R3HDM4: variants seen among roughly 807,000 people sequenced by gnomAD.
R3HDM4 encodes R3H domain-containing protein 4.
Under a neutral mutation model 31.3 loss-of-function variants are expected in R3HDM4, and 30 were observed. That is an observed-to-expected ratio of 0.96 (90% CI 0.72 to 1.30). The LOEUF (loss-of-function observed/expected upper bound fraction) is 1.30, where lower values mean the gene tolerates loss of function less well. Ranked by LOEUF, R3HDM4 falls within the 50% of genes most tolerant of loss-of-function variation. The pLI is 0.00. For synonymous variants in R3HDM4, 196 were observed against 156.6 expected, an observed-to-expected ratio of 1.25 and a Z score of -1.88; for missense variants, 444 against 366.1, an observed-to-expected ratio of 1.21 and a Z score of -1.74.
At position 900,848 on chromosome 19, in the gene R3HDM4, A is replaced by C. The variant is rs1599357613; in HGVS notation, c.456T>G (p.Arg152=). ...RSKARRRGPG[R]GEDRRREDPA... ...CCGCACCTCTCCTCCGGTCCTCCCC[A>C]CGGCCAGGGCCCCTCCTCCGCGCCT... Residue 152 remains arginine, a synonymous_variant, in exon 4 of 8, where the codon CGT becomes CGG. Coordinates refer to ENST00000361574, the MANE Select transcript of R3HDM4 (RefSeq NM_138774.4). The C allele has an allele frequency of 1.4e-6, 2 of 1,427,844 alleles. No individual in the cohort carries two copies. Among genetic ancestry groups the C allele is most frequent in the Non-Finnish European group, 1.9e-6 (2 of 1,076,516 alleles). 88.4% of individuals were successfully genotyped at this position (1,427,844 alleles called of 1,614,324 possible).
intron 1 of R3HDM4, among the ~76,000 whole-genome samples, chr19:912,353 G>A: frequency 1.1e-5 from 1 of 89,974 alleles, no homozygotes; most frequent in African/African-American, 4.5e-5. Flanking sequence ...CAGAGGAGTT[G>A]GGGGGCGGGC....
Position 900,811 on chromosome 19 carries a change from C to T in R3HDM4, c.475+18G>A, listed in dbSNP as rs2036823028. On this transcript the variant is annotated intron_variant, in intron 4 of 7. Transcript: ENST00000361574. ...CATACCCTGGCCCCACCCATACCCGCCCCAGCCAGGCCCGCACCTCTCCTC... is the reference window on the plus strand; with the variant it reads ...CATACCCTGGCCCCACCCATACCCGTCCCAGCCAGGCCCGCACCTCTCCTC... 1 of 1,510,394 alleles carries T rather than the reference C, an allele frequency of 6.6e-7. No homozygotes were observed. Among genetic ancestry groups the T allele is most frequent in the East Asian group, 2.6e-5 (1 of 39,006 alleles). 93.6% of individuals were successfully genotyped at this position (1,510,394 alleles called of 1,614,324 possible). A position where few individuals can be genotyped will look rare whatever the true frequency, so the allele number is the denominator to read the frequency against.
At chr19:903,993 G>A (rs893139242) in intron 1 of R3HDM4, among the ~76,000 whole-genome samples, 6 of 152,176 alleles carry the variant, frequency 3.9e-5, no homozygotes, top group Non-Finnish European at 7.4e-5. Context: ...AGAGCTTGCA[G>A]TGAGCCGAGA....
intron 1 of R3HDM4, among the ~76,000 whole-genome samples, chr19:903,605 C>A (rs2145292971): frequency 6.6e-6 from 1 of 152,302 alleles, no homozygotes; most frequent in South Asian, 2.1e-4. Context: ...CAAGGAAAAA[C>A]CACACAAACT....
intron 1 of R3HDM4, among the ~76,000 whole-genome samples, chr19:911,519 G>C (rs1311557037): frequency 6.6e-6 from 1 of 152,222 alleles, no homozygotes; most frequent in Non-Finnish European, 1.5e-5. Flanking sequence ...ACTCCTGTTT[G>C]CTGGGCCCGC....
At chr19:900,740 CTGCCCCCCCATCCCGGCCCCACCCA>C (rs2036819845) in intron 4 of R3HDM4, 64 bp downstream of exon 4, 1 of 201,458 alleles carries the variant, frequency 5.0e-6, no homozygotes, top group Non-Finnish European at 9.6e-6. Context: ...CATCCATATC[CTGCCCCCCCATCCCGGCCCCACCCA>C]CCCCAGGCCA....
rs1219983060 is a variant in R3HDM4 at position 899,969 on chromosome 19, A to ACCTGCAC, written c.561+85_561+91dup. On this transcript the variant is annotated intron_variant, in intron 5 of 7. Transcript: ENST00000361574. This position sits in a 1 kb window ranked among gnomAD's most constrained non-coding sequence, Gnocchi z 6.8. ...ATCCTGCCCTGTTTCCCCTGACACG[A>ACCTGCAC]CCTGCACCGGGTGAGAACCTGTGCC... The ACCTGCAC allele has an allele frequency of 3.0e-6, 4 of 1,314,948 alleles. No individual in the cohort carries two copies. In the Admixed American group the frequency reaches 5.3e-5, roughly 17 times the overall value. 81.5% of individuals were successfully genotyped at this position (1,314,948 alleles called of 1,614,324 possible). A position where few individuals can be genotyped will look rare whatever the true frequency, so the allele number is the denominator to read the frequency against.
At chr19:898,937 G>C (rs765513034) in intron 7 of R3HDM4, among the ~76,000 whole-genome samples, 38 of 152,298 alleles carry the variant, frequency 2.5e-4, no homozygotes, top group Non-Finnish European at 4.9e-4. Context: ...GGACCAGATG[G>C]GGTGCCTGGG....
At chr19:898,512 A>C (rs113698230) in intron 7 of R3HDM4, among the ~76,000 whole-genome samples, 2,020 of 151,762 alleles carry the variant, frequency 0.013, 43 homozygotes, top group African/African-American at 0.045. Flanking sequence ...AGGCAGGAGA[A>C]TCGCTTGAAC....
intron 7 of R3HDM4, 152 bp from the exon 8 acceptor site, chr19:897,692 C>CGCA (rs1269730537): frequency 1.6e-6 from 1 of 628,798 alleles, no homozygotes; most frequent in African/African-American, 1.9e-5. Context: ...GCCCTAAGCC[C>CGCA]GCAGGTCCGG....
At chr19:910,890 C>T (rs569559994) in intron 1 of R3HDM4, among the ~76,000 whole-genome samples, 32 of 152,064 alleles carry the variant, frequency 2.1e-4, no homozygotes, top group African/African-American at 2.7e-4. Context: ...GAGGCCAAGG[C>T]GGGCAGATCA....
At chr19:912,863 C>G (rs1490870447) in intron 1 of R3HDM4, among the ~76,000 whole-genome samples, 3 of 151,756 alleles carry the variant, frequency 2.0e-5, no homozygotes, top group African/African-American at 7.3e-5. Context: ...GGTGTCCCCG[C>G]TGAGTAACAA....
intron 3 of R3HDM4, 109 bp downstream of exon 3, chr19:901,313 C>T: frequency 8.0e-7 from 1 of 1,243,208 alleles, no homozygotes; most frequent in Non-Finnish European, 1.1e-6. Flanking sequence ...ATTAGGAGAT[C>T]AGAAGTGGGC....
At chr19:903,680 G>T (rs866388003) in intron 1 of R3HDM4, among the ~76,000 whole-genome samples, 1 of 152,204 alleles carries the variant, frequency 6.6e-6, no homozygotes, top group East Asian at 1.9e-4. Context: ...CCTTGAGCCT[G>T]GGGAGTTTGA....
intron 1 of R3HDM4, among the ~76,000 whole-genome samples, chr19:904,160 C>T (rs1418043635): frequency 6.6e-6 from 1 of 152,164 alleles, no homozygotes; most frequent in African/African-American, 2.4e-5. Flanking sequence ...GGATCGGCTC[C>T]ACCCTTATCT....
At chr19:910,847 C>A (rs370593697) in intron 1 of R3HDM4, among the ~76,000 whole-genome samples, 10 of 151,038 alleles carry the variant, frequency 6.6e-5, no homozygotes, top group Non-Finnish European at 3.0e-5. Context: ...CTAGCCGGCG[C>A]GGTGGCTCAC....
chr19:898,171 G>A lies in R3HDM4; in HGVS notation c.704-631C>T, dbSNP rs565847886. Among the ~76,000 whole-genome samples, 5 of 151,424 alleles carry A rather than the reference G, an allele frequency of 3.3e-5. No homozygotes were observed. In the East Asian group the frequency reaches 7.8e-4, roughly 23 times the overall value. On this transcript the variant is annotated intron_variant, in intron 7 of 7. Transcript: ENST00000361574. ...GGAGGCTGAGGCAAGCGGATCACGA[G>A]GTCAGGTTGAGACCATCCTGGCTAA...
At chr19:903,340 T>G (rs2036860788) in intron 1 of R3HDM4, among the ~76,000 whole-genome samples, 1 of 149,546 alleles carries the variant, frequency 6.7e-6, no homozygotes, top group African/African-American at 2.5e-5. Context: ...CAAATGGCAT[T>G]AATTGTGGAG....
In R3HDM4 at chr19:900,072, G is replaced by A. The variant is rs375768350; in HGVS notation, c.550C>T (p.Arg184Cys). The A allele has an allele frequency of 2.6e-5, 42 of 1,611,816 alleles. No individual in the cohort carries two copies. Among genetic ancestry groups the A allele is most frequent in the Non-Finnish European group, 3.2e-5 (38 of 1,179,244 alleles). Residue 184 changes from arginine (R) to cysteine (C), a missense_variant, in exon 5 of 8, where the codon CGC becomes TGC. Transcript: ENST00000361574. ...AATCCCCCACTCACCATGGGGATGC[G>A]GCTGCGCTTGAGGACGGCTCGCAGA... ...RRLRAVLKRS[R>C]IPMETLETWE... is the part of the protein sequence containing the mutation.
Sources: allele counts gnomAD v4.1 joint callset (sites outside exome capture counted in the v4.1 genomes callset), GRCh38; gene constraint gnomAD v4.1.1; non-coding constraint Gnocchi (gnomAD v3.1); transcripts MANE v1.5; gene names NCBI Gene and HGNC (gene_info 2026-07-23, HGNC 2026-07-21).